CABIN1: variants seen among roughly 807,000 people sequenced by gnomAD.
CABIN1 encodes calcineurin binding protein 1.
CABIN1 carries 133 observed loss-of-function variants against 227.7 expected under a neutral mutation model. That is an observed-to-expected ratio of 0.58 (90% CI 0.51 to 0.67). The LOEUF (loss-of-function observed/expected upper bound fraction) is 0.67. Among genes scored for constraint, CABIN1 ranks in the 30% least tolerant of loss-of-function variants. The pLI, the probability that CABIN1 is intolerant of heterozygous loss-of-function variation, is 0.00. For synonymous variants in CABIN1, 1,086 were observed against 1,155.1 expected (o/e 0.94, Z 1.21); for missense variants, 2,408 against 2,852.5 (o/e 0.84, Z 3.55).
chr22:24,039,840 A>G (rs1450882919), intron 4 of CABIN1, among the ~76,000 whole-genome samples: 1 of 152,230 alleles, frequency 6.6e-6, no homozygotes, highest in Non-Finnish European at 1.5e-5. Flanking sequence ...TTACACTCAT[A>G]TTGCATTGGC....
chr22:24,106,156 C>T (rs1017138524), intron 26 of CABIN1, among the ~76,000 whole-genome samples: 4 of 152,236 alleles, frequency 2.6e-5, no homozygotes, highest in African/African-American at 9.6e-5. Flanking sequence ...GAGTATGGCT[C>T]AGGGAGTGGT....
intron 23 of CABIN1, among the ~76,000 whole-genome samples, chr22:24,087,925 A>G (rs1193459780): frequency 6.6e-6 from 1 of 152,048 alleles, no homozygotes; most frequent in Non-Finnish European, 1.5e-5. Flanking sequence ...GTGTAGACAA[A>G]TTAGGGACAG....
intron 10 of CABIN1, 29 bp downstream of exon 10, chr22:24,056,389 A>T: frequency 1.9e-6 from 3 of 1,611,660 alleles, no homozygotes; most frequent in Non-Finnish European, 2.5e-6. Context: ...GATTGTCAGA[A>T]ACAAACCCAC....
At chr22:24,036,738 G>A (rs2036924105) in intron 3 of CABIN1, among the ~76,000 whole-genome samples, 1 of 152,126 alleles carries the variant, frequency 6.6e-6, no homozygotes, top group Non-Finnish European at 1.5e-5. Context: ...GTTTGCTCCT[G>A]CCTTTGTTTT....
intron 1 of CABIN1, among the ~76,000 whole-genome samples, chr22:24,020,467 A>G (rs928763176): frequency 1.3e-5 from 2 of 152,084 alleles, no homozygotes; most frequent in Non-Finnish European, 2.9e-5. Context: ...GATTACAGGC[A>G]TGTGCCACTA....
Position 24,096,002 on chromosome 22 carries a change from C to T in CABIN1, c.3858C>T (p.Val1286=), listed in dbSNP as rs574486660. The T allele has an allele frequency of 6.2e-7, 1 of 1,614,140 alleles. No homozygotes were observed. The highest frequency in any genetic ancestry group is 1.3e-5 in the African/African-American group (1 of 75,028). Reference sequence around the variant, plus strand: ...CCGATTCTGGGGTTGGTGCAGAGGTCCTGGTCAACTTTATGAAGGAGGCTG... The same window carrying T: ...CCGATTCTGGGGTTGGTGCAGAGGTTCTGGTCAACTTTATGAAGGAGGCTG... ...GKPDSGVGAE[V]LVNFMKEAAE... Residue 1286 remains valine, a synonymous_variant, in exon 25 of 37, where the codon GTC becomes GTT. Coordinates refer to ENST00000263119, the MANE Select transcript of CABIN1 (RefSeq NM_012295.4).
chr22:24,015,350 T>A (rs1356214496), intron 1 of CABIN1, among the ~76,000 whole-genome samples: 1 of 142,970 alleles, frequency 7.0e-6, no homozygotes, highest in African/African-American at 2.5e-5. Context: ...TTCTTCATTC[T>A]TTTTTTTTTT....
intron 26 of CABIN1, among the ~76,000 whole-genome samples, chr22:24,110,910 C>CTT (rs2042774489): frequency 6.7e-6 from 1 of 148,270 alleles, no homozygotes; most frequent in Admixed American, 6.7e-5. Context: ...CTTTCCCTTG[C>CTT]TTGGTGTTTT....
intron 28 of CABIN1, among the ~76,000 whole-genome samples, chr22:24,124,547 C>G (rs2043602656): frequency 6.6e-6 from 1 of 152,208 alleles, no homozygotes; most frequent in Non-Finnish European, 1.5e-5. Flanking sequence ...ATCATTTATG[C>G]TGATAGCCAT....
intron 29 of CABIN1, chr22:24,155,890 C>T (rs1007194927): frequency 1.1e-5 from 5 of 438,038 alleles, no homozygotes; most frequent in African/African-American, 1.0e-4. Context: ...TCCAGGGAAC[C>T]GGAGAGGATT....
At chr22:24,032,956 T>C (rs1043007250) in intron 1 of CABIN1, among the ~76,000 whole-genome samples, 59 of 152,286 alleles carry the variant, frequency 3.9e-4, no homozygotes, top group Admixed American at 3.7e-3. Flanking sequence ...CAGATACCTG[T>C]AGTCCCAGCT....
chr22:24,041,168 G>T lies in CABIN1; in HGVS notation c.240G>T (p.Gly80=). 1 of 1,614,218 alleles carries T rather than the reference G, an allele frequency of 6.2e-7. No homozygotes were observed. Among genetic ancestry groups the T allele is most frequent in the Non-Finnish European group, 8.5e-7 (1 of 1,180,042 alleles). The change falls in exon 5 of 37, where the codon GGG becomes GGT. Residue 80 remains glycine (G), a synonymous_variant. Coordinates refer to ENST00000263119, the MANE Select transcript of CABIN1 (RefSeq NM_012295.4). ...EAVSSGDEKE[G]LKHPGLILKY... is the part of the protein sequence containing the mutation. ...TTTCATCCGGTGATGAGAAAGAGGG[G>T]TTGAAACACCCTGGGCTGATACTGA...
At position 24,067,085 on chromosome 22, in the gene CABIN1, C is replaced by T; in HGVS notation, c.2136C>T (p.Leu712=). Residue 712 remains leucine, a synonymous_variant, in exon 16 of 37, where the codon CTC becomes CTT. Coordinates refer to ENST00000263119, the MANE Select transcript of CABIN1 (RefSeq NM_012295.4). ...ACTACAAGGCTGTTGTGCATCTGCT[C>T]CGCCCCACTTTGTGCACCAGTGGGT... ...AGDYKAVVHL[L]RPTLCTSGFD... is the part of the protein sequence containing the mutation. The T allele has an allele frequency of 6.2e-7, 1 of 1,614,188 alleles. No homozygotes were observed.
In CABIN1 at chr22:24,067,133, G is replaced by A; in HGVS notation, c.2184G>A (p.Glu728=). The change falls in exon 16 of 37, where the codon GAG becomes GAA. Residue 728 remains glutamate (E), a synonymous_variant. Transcript: ENST00000263119. ...TSGFDRAKHL[E]FMTSIPERPA... is the part of the protein sequence containing the mutation. ...GGTTTGACCGGGCCAAACACCTGGA[G>A]TTTATGACTTCCATTCCTGAGAGGC... 1 of 1,614,248 alleles carries A rather than the reference G, an allele frequency of 6.2e-7. No individual in the cohort carries two copies. The highest frequency in any genetic ancestry group is 8.5e-7 in the Non-Finnish European group (1 of 1,180,046).
At chr22:24,131,890 A>AC (rs2044095924) in intron 28 of CABIN1, among the ~76,000 whole-genome samples, 1 of 151,964 alleles carries the variant, frequency 6.6e-6, no homozygotes, top group Non-Finnish European at 1.5e-5. Flanking sequence ...ACGTGGTGAA[A>AC]CCCCATCTCT....
intron 29 of CABIN1, among the ~76,000 whole-genome samples, chr22:24,144,806 T>C (rs1457196084): frequency 6.6e-6 from 1 of 152,228 alleles, no homozygotes; most frequent in Non-Finnish European, 1.5e-5. Flanking sequence ...GTTGCTGTGC[T>C]CAATGTGACT....
At chr22:24,115,517 A>G (rs993294530) in intron 27 of CABIN1, among the ~76,000 whole-genome samples, 1 of 152,196 alleles carries the variant, frequency 6.6e-6, no homozygotes, top group African/African-American at 2.4e-5. Context: ...CTTGGTAACC[A>G]TGGTGGTGAA....
At chr22:24,043,386 C>G (rs956237444) in intron 6 of CABIN1, among the ~76,000 whole-genome samples, 2 of 141,834 alleles carry the variant, frequency 1.4e-5, no homozygotes, top group Non-Finnish European at 3.0e-5. Context: ...CCTCCCTGCA[C>G]TGTCCCATTT....
chr22:24,097,161 TC>T (rs2041943466), intron 25 of CABIN1, among the ~76,000 whole-genome samples: 1 of 152,260 alleles, frequency 6.6e-6, no homozygotes, highest in Non-Finnish European at 1.5e-5. Context: ...ATACTTTCTT[TC>T]ATTGGTTATA....
Sources: allele counts gnomAD v4.1 joint callset (sites outside exome capture counted in the v4.1 genomes callset), GRCh38; gene constraint gnomAD v4.1.1; transcripts MANE v1.5; gene names NCBI Gene and HGNC (gene_info 2026-07-23, HGNC 2026-07-21).